The following SSBP2 variants were observed in gnomAD, a reference collection of about 807,000 sequenced individuals.
SSBP2 encodes single-stranded DNA-binding protein 2.
SSBP2 carries 17 observed loss-of-function variants against 61.8 expected under a neutral mutation model. The ratio of observed to expected loss-of-function variants is 0.28; its 90% CI spans 0.19 to 0.41. The LOEUF is 0.41. Ranked by LOEUF, SSBP2 falls within the 10% of genes least tolerant of loss-of-function variation. SSBP2 has a pLI of 1.00. For synonymous variants in SSBP2, 139 were observed against 141.3 expected, an observed-to-expected ratio of 0.98 and a Z score of 0.12; for missense variants, 310 against 458.7, an observed-to-expected ratio of 0.68 and a Z score of 2.96.
intron 1 of SSBP2, among the ~76,000 whole-genome samples, chr5:81,727,936 C>T (rs1173428514): frequency 6.6e-6 from 1 of 152,086 alleles, no homozygotes; most frequent in Non-Finnish European, 1.5e-5. Context: ...TCAGGGAAGG[C>T]CACTGGAACC....
intron 6 of SSBP2, among the ~76,000 whole-genome samples, chr5:81,478,245 A>G (rs1388857431): frequency 1.3e-5 from 2 of 152,058 alleles, no homozygotes; most frequent in Non-Finnish European, 2.9e-5. Flanking sequence ...CACTGCAGCC[A>G]CAAATTCCTG....
intron 4 of SSBP2, among the ~76,000 whole-genome samples, chr5:81,581,365 T>C (rs184934910): frequency 6.6e-6 from 1 of 152,294 alleles, no homozygotes; most frequent in East Asian, 1.9e-4. Context: ...GACTAGGTGA[T>C]CCGAAAAGTC....
chr5:81,733,125 T>C (rs1021049509), intron 1 of SSBP2, among the ~76,000 whole-genome samples: 3 of 152,084 alleles, frequency 2.0e-5, no homozygotes, highest in Admixed American at 1.3e-4. Context: ...CTAGGGAAAA[T>C]AAATAGGCCT....
intron 3 of SSBP2, among the ~76,000 whole-genome samples, chr5:81,629,764 TATAC>T (rs1747524199): frequency 6.6e-6 from 1 of 152,230 alleles, no homozygotes; most frequent in South Asian, 2.1e-4. Flanking sequence ...GAAGTTTTGA[TATAC>T]ATATACTTTG....
intron 4 of SSBP2, among the ~76,000 whole-genome samples, chr5:81,593,965 T>A (rs924019848): frequency 2.0e-4 from 30 of 152,192 alleles, no homozygotes; most frequent in Non-Finnish European, 4.3e-4. Context: ...AACATCATAA[T>A]GACAGGATCA....
intron 4 of SSBP2, among the ~76,000 whole-genome samples, chr5:81,599,623 C>T (rs915254646): frequency 1.3e-5 from 2 of 152,236 alleles, no homozygotes; most frequent in Admixed American, 6.5e-5. Flanking sequence ...CCTTTGCACA[C>T]GCTGTTCCCT....
At chr5:81,551,214 T>G (rs1772164348) in intron 4 of SSBP2, among the ~76,000 whole-genome samples, 1 of 152,168 alleles carries the variant, frequency 6.6e-6, no homozygotes, top group South Asian at 2.1e-4. Flanking sequence ...CTATACAATT[T>G]TTTCCTGTAT....
In SSBP2 at chr5:81,428,494, A is replaced by G. The variant is rs571562379; in HGVS notation, c.1056+91T>C. 4.5e-5 allele frequency: 39 copies of G among 863,482 alleles called. No individual in the cohort carries two copies. In the African/African-American group the frequency reaches 5.6e-4, roughly 12 times the overall value. The allele number at this position is 863,482 out of a possible 1,614,324, so 53.5% of individuals were successfully genotyped here. The stretch of plus-strand genomic sequence containing the variant: ...AAGATAAACCTGTTGAACTCTAGAT[A>G]AACAGCAGTAAAAGTGGCTTTATGC... On this transcript the variant is annotated intron_variant, in intron 16 of 16. Coordinates refer to ENST00000320672, the MANE Select transcript of SSBP2 (RefSeq NM_012446.5).
chr5:81,461,172 T>C, intron 9 of SSBP2, 69 bp from the exon 10 acceptor site: 1 of 1,224,434 alleles, frequency 8.2e-7, no homozygotes. Flanking sequence ...CAATGACAAA[T>C]CATAAAATAT....
At chr5:81,678,023 A>C (rs1752115071) in intron 1 of SSBP2, among the ~76,000 whole-genome samples, 1 of 152,204 alleles carries the variant, frequency 6.6e-6, no homozygotes, top group Non-Finnish European at 1.5e-5. Context: ...ATTACATGGC[A>C]TATGAAAAGG....
chr5:81,440,070 G>A (rs1366351642), intron 14 of SSBP2, among the ~76,000 whole-genome samples: 2 of 152,062 alleles, frequency 1.3e-5, no homozygotes, highest in Non-Finnish European at 2.9e-5. Flanking sequence ...AAATTATCCA[G>A]AATATGATTA....
intron 4 of SSBP2, among the ~76,000 whole-genome samples, chr5:81,585,741 C>A (rs1199709352): frequency 6.6e-6 from 1 of 152,112 alleles, no homozygotes; most frequent in Non-Finnish European, 1.5e-5. Context: ...TTATGCTGTA[C>A]AATGGATATC....
chr5:81,600,261 A>G (rs77189549), intron 4 of SSBP2, among the ~76,000 whole-genome samples: 13,118 of 152,174 alleles, frequency 0.086, 610 homozygotes, highest in Admixed American at 0.11. Flanking sequence ...GATCCTACAT[A>G]CATTTTAGTC....
intron 16 of SSBP2, among the ~76,000 whole-genome samples, chr5:81,423,557 A>G (rs1761747137): frequency 6.6e-6 from 1 of 152,126 alleles, no homozygotes; most frequent in Non-Finnish European, 1.5e-5. Context: ...AGCCTGGCCA[A>G]GATGGTGAAA....
At chr5:81,544,943 C>T (rs1433457389) in intron 4 of SSBP2, among the ~76,000 whole-genome samples, 1 of 152,170 alleles carries the variant, frequency 6.6e-6, no homozygotes, top group Non-Finnish European at 1.5e-5. Context: ...CTGTTCTCCA[C>T]ATATGGACTG....
At chr5:81,547,036 C>CA (rs61254614) in intron 4 of SSBP2, among the ~76,000 whole-genome samples, 26,965 of 53,908 alleles carry the variant, frequency 0.5, 7,516 homozygotes, top group East Asian at 0.88. Context: ...AAATCTTGGC[C>CA]AAAAAAAAAA....
At chr5:81,723,483 AAC>A (rs1755676702) in intron 1 of SSBP2, among the ~76,000 whole-genome samples, 1 of 152,022 alleles carries the variant, frequency 6.6e-6, no homozygotes. Context: ...ACATAAAAGA[AAC>A]ACACAGAGTA....
intron 4 of SSBP2, among the ~76,000 whole-genome samples, chr5:81,555,128 G>T (rs907683748): frequency 5.3e-5 from 8 of 152,088 alleles, no homozygotes; most frequent in African/African-American, 1.9e-4. Context: ...AGAAATAATT[G>T]TGATTTCTTA....
intron 1 of SSBP2, among the ~76,000 whole-genome samples, chr5:81,655,066 C>T (rs1378157298): frequency 6.6e-6 from 1 of 152,054 alleles, no homozygotes; most frequent in Non-Finnish European, 1.5e-5. Context: ...AGGAGGATCA[C>T]CTGAGCCCAG....
Sources: allele counts gnomAD v4.1 joint callset (sites outside exome capture counted in the v4.1 genomes callset), GRCh38; gene constraint gnomAD v4.1.1; transcripts MANE v1.5; gene names NCBI Gene and HGNC (gene_info 2026-07-23, HGNC 2026-07-21).